Variants in KCNJ6 observed in about 807,000 individuals in gnomAD.
KCNJ6 encodes G protein-activated inward rectifier potassium channel 2.
KCNJ6 carries 9 observed loss-of-function variants against 34.2 expected under a neutral mutation model. That is an observed-to-expected ratio of 0.26 (90% CI 0.16 to 0.46). The LOEUF (loss-of-function observed/expected upper bound fraction) is 0.46, where lower values mean the gene tolerates loss of function less well. KCNJ6 is among the 20% of genes least tolerant of loss of function. The probability of loss-of-function intolerance (pLI) is 1.00; values close to 1 mark genes in which losing one functional copy is unlikely to be tolerated. For missense variants in KCNJ6, 236 were observed against 531.3 expected (o/e 0.44, Z 5.46); for synonymous variants, 196 against 207.1 (o/e 0.95, Z 0.46).
chr21:37,732,963 T>C (rs185607892), intron 2 of KCNJ6, among the ~76,000 whole-genome samples: 1 of 152,296 alleles, frequency 6.6e-6, no homozygotes, highest in African/African-American at 2.4e-5. Flanking sequence ...CAAGCAAGCA[T>C]TCAAGGGTAT....
At chr21:37,753,217 A>T (rs2055005448) in intron 2 of KCNJ6, among the ~76,000 whole-genome samples, 1 of 152,182 alleles carries the variant, frequency 6.6e-6, no homozygotes, top group African/African-American at 2.4e-5. Context: ...GGATGCCTAG[A>T]GTGACCAGAA....
intron 1 of KCNJ6, among the ~76,000 whole-genome samples, chr21:37,887,357 C>T (rs1170998463): frequency 6.6e-6 from 1 of 152,134 alleles, no homozygotes; most frequent in Non-Finnish European, 1.5e-5. Context: ...AAAACCAAGC[C>T]CCTTCCAAGT....
intron 2 of KCNJ6, among the ~76,000 whole-genome samples, chr21:37,819,563 A>T (rs2055364058): frequency 6.6e-6 from 1 of 152,184 alleles, no homozygotes. Flanking sequence ...GTCACTGCCC[A>T]GTCATGTGAC....
At chr21:37,897,480 A>G (rs1019129669) in intron 1 of KCNJ6, among the ~76,000 whole-genome samples, 3 of 152,186 alleles carry the variant, frequency 2.0e-5, no homozygotes, top group Admixed American at 6.5e-5. Context: ...TGTCTGTTCC[A>G]CTGCCTTGTC....
intron 2 of KCNJ6, among the ~76,000 whole-genome samples, chr21:37,803,101 C>T (rs754865057): frequency 3.9e-5 from 6 of 152,156 alleles, no homozygotes; most frequent in Non-Finnish European, 7.4e-5. Context: ...CAACGCACAG[C>T]GAACTGGTTA....
intron 3 of KCNJ6, among the ~76,000 whole-genome samples, chr21:37,693,509 C>T (rs983643494): frequency 1.3e-5 from 2 of 152,032 alleles, no homozygotes; most frequent in African/African-American, 4.8e-5. Context: ...GAAGCAGGGG[C>T]CACCGTACGC....
chr21:37,696,947 C>A (rs765573217), intron 3 of KCNJ6, among the ~76,000 whole-genome samples: 3 of 152,162 alleles, frequency 2.0e-5, no homozygotes, highest in African/African-American at 7.2e-5. Flanking sequence ...ATTTCATGAT[C>A]TGAAATGAGT....
intron 1 of KCNJ6, among the ~76,000 whole-genome samples, chr21:37,871,838 C>T (rs907551425): frequency 7.3e-5 from 11 of 151,202 alleles, no homozygotes; most frequent in South Asian, 2.1e-4. Flanking sequence ...TATTTTTTAA[C>T]GAAAAGCTTT....
At chr21:37,912,232 A>C (rs2055870218) in intron 1 of KCNJ6, among the ~76,000 whole-genome samples, 2 of 152,232 alleles carry the variant, frequency 1.3e-5, no homozygotes. Flanking sequence ...ATCTTACTTG[A>C]AATGAGTAAA....
chr21:37,709,249 C>A (rs1326304343), intron 3 of KCNJ6, among the ~76,000 whole-genome samples: 5 of 152,088 alleles, frequency 3.3e-5, no homozygotes, highest in Non-Finnish European at 5.9e-5. Context: ...CGGTGGCTCA[C>A]ACCTGTAATC....
intron 2 of KCNJ6, among the ~76,000 whole-genome samples, chr21:37,793,455 A>G (rs1044967386): frequency 2.0e-5 from 3 of 150,826 alleles, no homozygotes; most frequent in African/African-American, 7.3e-5. Flanking sequence ...TCTGTTCTGG[A>G]TCAAAAGGCG....
chr21:37,799,309 C>T (rs533465600), intron 2 of KCNJ6, among the ~76,000 whole-genome samples: 10 of 152,268 alleles, frequency 6.6e-5, no homozygotes, highest in South Asian at 6.2e-4. Flanking sequence ...GGGGAAATGC[C>T]TTAGCCAGTC....
chr21:37,763,245 G>A (rs955592929), intron 2 of KCNJ6, among the ~76,000 whole-genome samples: 2 of 152,158 alleles, frequency 1.3e-5, no homozygotes, highest in African/African-American at 4.8e-5. Context: ...CTGCTTGTAG[G>A]GGGGGCCTGC....
At chr21:37,805,582 T>A (rs1038298725) in intron 2 of KCNJ6, among the ~76,000 whole-genome samples, 1 of 150,704 alleles carries the variant, frequency 6.6e-6, no homozygotes, top group African/African-American at 2.4e-5. Context: ...TGTGTTCCCT[T>A]CTTGTTTATT....
At chr21:37,703,946 G>C (rs994384790) in intron 3 of KCNJ6, among the ~76,000 whole-genome samples, 3 of 152,264 alleles carry the variant, frequency 2.0e-5, no homozygotes, top group African/African-American at 7.2e-5. Flanking sequence ...ACTCCATGCA[G>C]CTGTATTGGA....
chr21:37,825,949 T>C (rs2055397023), intron 2 of KCNJ6, among the ~76,000 whole-genome samples: 3 of 152,128 alleles, frequency 2.0e-5, no homozygotes, highest in Non-Finnish European at 4.4e-5. Context: ...CCTCCCATGA[T>C]GCGTGGGAAT....
intron 3 of KCNJ6, among the ~76,000 whole-genome samples, chr21:37,713,979 TTTCATTG>T (rs150285308): frequency 0.027 from 4,158 of 152,224 alleles, 186 homozygotes; most frequent in African/African-American, 0.093. Context: ...CATGGTGATT[TTTCATTG>T]TTCATTAATT....
intron 2 of KCNJ6, among the ~76,000 whole-genome samples, chr21:37,823,764 G>A (rs1281650315): frequency 2.0e-5 from 3 of 152,176 alleles, no homozygotes; most frequent in African/African-American, 7.2e-5. Flanking sequence ...TCATAGCAGT[G>A]TAAAAATGGA....
intron 1 of KCNJ6, among the ~76,000 whole-genome samples, chr21:37,843,954 C>G (rs564767024): frequency 3.3e-5 from 5 of 152,326 alleles, no homozygotes; most frequent in Admixed American, 3.3e-4. Context: ...AACAATGTCC[C>G]TAATTTCCAT....
Sources: allele counts gnomAD v4.1 joint callset (sites outside exome capture counted in the v4.1 genomes callset), GRCh38; gene constraint gnomAD v4.1.1; transcripts MANE v1.5; gene names NCBI Gene and HGNC (gene_info 2026-07-23, HGNC 2026-07-21).